Variants in BEST3 observed in about 807,000 individuals in gnomAD.
The protein encoded by BEST3 is bestrophin-3.
Under a neutral mutation model 47.1 loss-of-function variants are expected in BEST3, and 50 were observed. The ratio of observed to expected loss-of-function variants is 1.06; its 90% CI spans 0.85 to 1.34. BEST3 has a LOEUF of 1.34. BEST3 is among the 40% of genes most tolerant of loss of function. BEST3 has a pLI of 0.00. For synonymous variants in BEST3, 282 were observed against 298.8 expected (o/e 0.94, Z 0.58); for missense variants, 765 against 817.0 (o/e 0.94, Z 0.78).
Position 69,655,126 on chromosome 12 carries a change from CAGGAAT to C in BEST3, c.1782_1787del (p.Phe595_Leu596del). 6.2e-7 allele frequency: 1 copy of C among 1,614,132 alleles called. No homozygotes were observed. Among genetic ancestry groups the C allele is most frequent in the Non-Finnish European group, 8.5e-7 (1 of 1,180,020 alleles). On this transcript the variant is annotated inframe_deletion, in exon 10 of 10. Transcript: ENST00000330891. Reference sequence around the variant, plus strand: ...TTCCCAGGGAAGTGTGGCTGGACCCCAGGAATCCCGGAAGACTCCACCTTTTTAGAA... The same window carrying C: ...TTCCCAGGGAAGTGTGGCTGGACCCCCCCGGAAGACTCCACCTTTTTAGAA...
rs759528650 is a variant in BEST3, at chr12:69,679,057, A to ATG, written c.482-166_482-165dup. 5.9e-4 allele frequency among the ~76,000 whole-genome samples: 90 copies of ATG among 152,262 alleles called. 1 individual carries two copies. Among genetic ancestry groups the ATG allele is most frequent in the Admixed American group, 1.7e-3 (26 of 15,294 alleles). Reference sequence around the variant, plus strand: ...TTTATACTTGCATTAGAGTTAAGGAATGTGTGTGTGTGAGCGCACATGCAC... The same window carrying ATG: ...TTTATACTTGCATTAGAGTTAAGGAATGTGTGTGTGTGTGAGCGCACATGCAC... On this transcript the variant is annotated intron_variant, in intron 4 of 9. Coordinates refer to ENST00000330891, the MANE Select transcript of BEST3 (RefSeq NM_032735.3).
chr12:69,670,582 A>G (rs1226270536), intron 9 of BEST3: 9 of 702,498 alleles, frequency 1.3e-5, no homozygotes, highest in Middle Eastern at 2.4e-4. Flanking sequence ...AGATCTCCTG[A>G]AAGTAGAAGG....
chr12:69,690,797 G>C (rs12317042), intron 4 of BEST3, among the ~76,000 whole-genome samples: 9,538 of 152,214 alleles, frequency 0.063, 946 homozygotes, highest in African/African-American at 0.21. Context: ...ATTAAGGTAA[G>C]ATAAAATTGA....
chr12:69,656,418 C>A (rs1216584781), intron 9 of BEST3, among the ~76,000 whole-genome samples: 1 of 151,436 alleles, frequency 6.6e-6, no homozygotes, highest in African/African-American at 2.4e-5. Context: ...AGTATATGTT[C>A]TTTCTCCCTT....
At position 69,654,793 on chromosome 12, in the gene BEST3, G is replaced by C. The variant is rs1565819744; in HGVS notation, c.*114C>G. 1.4e-6 allele frequency: 2 copies of C among 1,466,900 alleles called. No individual in the cohort carries two copies. The highest frequency in any genetic ancestry group is 9.0e-7 in the Non-Finnish European group (1 of 1,108,770). 90.9% of individuals were successfully genotyped at this position (1,466,900 alleles called of 1,614,324 possible). A position where few individuals can be genotyped will look rare whatever the true frequency, so the allele number is the denominator to read the frequency against. On this transcript the variant is annotated 3_prime_UTR_variant, in exon 10 of 10. Transcript: ENST00000330891. ...CAAAGTTCTAAGTAGCTTATACAGT[G>C]TGATCATGTTTTTTAAAAAGTCGAC...
chr12:69,666,178 C>A (rs1482586939), intron 9 of BEST3, among the ~76,000 whole-genome samples: 1 of 152,116 alleles, frequency 6.6e-6, no homozygotes, highest in African/African-American at 2.4e-5. Flanking sequence ...CACCACCATG[C>A]CGGCTAATTT....
rs548759544 is a variant in BEST3 at position 69,647,219 on chromosome 12, C to T, written c.1101-3432G>A. Among the ~76,000 whole-genome samples the T allele has an allele frequency of 3.9e-5, 6 of 152,332 alleles. No homozygotes were observed. The East Asian group carries it at 1.2e-3, about 29-fold the overall frequency. On this transcript the variant is annotated intron_variant, in intron 9 of 9. Transcript: ENST00000331471. Reference sequence around the variant, plus strand: ...CTCCATCTCTCTGAATTTGCTCCTGCCTTCTTCTGAGTGTTGAAGGATCCT... The same window carrying T: ...CTCCATCTCTCTGAATTTGCTCCTGTCTTCTTCTGAGTGTTGAAGGATCCT...
chr12:69,659,519 A>G (rs1285276397), intron 9 of BEST3, among the ~76,000 whole-genome samples: 1 of 151,776 alleles, frequency 6.6e-6, no homozygotes, highest in Non-Finnish European at 1.5e-5. Flanking sequence ...ATGCCTGGCT[A>G]ATTTTTTATT....
At chr12:69,681,089 T>G in intron 4 of BEST3, among the ~76,000 whole-genome samples, 1 of 152,146 alleles carries the variant, frequency 6.6e-6, no homozygotes, top group East Asian at 1.9e-4. Flanking sequence ...TTTAAGTAGC[T>G]TTTAAATGTT....
chr12:69,693,243 CTCTTTTTTTTTTCTTTTT>C (rs1428171275), intron 4 of BEST3, among the ~76,000 whole-genome samples: 1 of 125,920 alleles, frequency 7.9e-6, no homozygotes, highest in East Asian at 2.9e-4. Context: ...CTCTCTCTCT[CTCTTTTTTTTTTCTTTTT>C]TCTTTTTTTT....
chr12:69,662,967 A>G (rs1883958257), intron 9 of BEST3, among the ~76,000 whole-genome samples: 1 of 152,242 alleles, frequency 6.6e-6, no homozygotes, highest in African/African-American at 2.4e-5. Flanking sequence ...TCTCTTCTCC[A>G]GAATTTCAAA....
chr12:69,684,453 C>T (rs947246584), intron 4 of BEST3: 7 of 485,180 alleles, frequency 1.4e-5, no homozygotes, highest in African/African-American at 9.7e-5. Context: ...AGAGATTCTG[C>T]CTGCTGTACA....
intron 9 of BEST3, among the ~76,000 whole-genome samples, chr12:69,658,959 G>C (rs988859104): frequency 6.6e-6 from 1 of 152,206 alleles, no homozygotes; most frequent in African/African-American, 2.4e-5. Flanking sequence ...CATTGCTAGG[G>C]TTGTGTGGTG....
At chr12:69,660,022 A>G (rs1225277657) in intron 9 of BEST3, 2 of 152,122 alleles carry the variant, frequency 1.3e-5, no homozygotes, top group African/African-American at 4.8e-5. Context: ...CTGTGGTGGG[A>G]AAAATAATTT....
At chr12:69,678,360 G>A (rs1208622268) in intron 5 of BEST3, among the ~76,000 whole-genome samples, 1 of 152,072 alleles carries the variant, frequency 6.6e-6, no homozygotes, top group African/African-American at 2.4e-5. Context: ...TATTAGGCTG[G>A]GGAGGTTTAT....
At chr12:69,691,545 A>G (rs895183963) in intron 4 of BEST3, among the ~76,000 whole-genome samples, 1 of 152,224 alleles carries the variant, frequency 6.6e-6, no homozygotes, top group South Asian at 2.1e-4. Flanking sequence ...CTGTAATCCC[A>G]GCACTTTGGG....
chr12:69,651,312 A>AGCCCATTTTATAG (rs1883202698), downstream of BEST3, among the ~76,000 whole-genome samples: 1 of 152,234 alleles, frequency 6.6e-6, no homozygotes, highest in Non-Finnish European at 1.5e-5. Context: ...GCCAGAAAAG[A>AGCCCATTTTATAG]GCCCATTTTA....
At chr12:69,699,115 C>A in intron 1 of BEST3, 90 bp downstream of exon 1, 1 of 735,394 alleles carries the variant, frequency 1.4e-6, no homozygotes, top group Non-Finnish European at 1.7e-6. Flanking sequence ...TTTAGTAGTT[C>A]ACTCTTCTTT....
intron 4 of BEST3, chr12:69,683,698 A>C (rs1442900400): frequency 6.6e-6 from 1 of 152,248 alleles, no homozygotes; most frequent in Non-Finnish European, 1.5e-5. Context: ...CCTACAATGC[A>C]TAAAACCAAA....
Sources: allele counts gnomAD v4.1 joint callset (sites outside exome capture counted in the v4.1 genomes callset), GRCh38; gene constraint gnomAD v4.1.1; transcripts MANE v1.5; gene names NCBI Gene and HGNC (gene_info 2026-07-23, HGNC 2026-07-21).